UTRN: variants seen among roughly 807,000 people sequenced by gnomAD.
The protein encoded by UTRN is utrophin, also known as dystrophin-related protein 1.
A neutral mutation model predicts 463.9 loss-of-function variants in UTRN; 283 were observed. The ratio of observed to expected loss-of-function variants is 0.61; its 90% CI spans 0.55 to 0.67. The LOEUF (loss-of-function observed/expected upper bound fraction) is 0.67. UTRN is among the 30% of genes least tolerant of loss of function. The pLI is 0.00. For synonymous variants in UTRN, 1,442 were observed against 1,431.5 expected, an observed-to-expected ratio of 1.01 and a Z score of -0.17; for missense variants, 3,922 against 4,084.3, an observed-to-expected ratio of 0.96 and a Z score of 1.08.
At chr6:144,595,351 G>A (rs143058285) in intron 51 of UTRN, among the ~76,000 whole-genome samples, 26 of 152,304 alleles carry the variant, frequency 1.7e-4, no homozygotes, top group African/African-American at 4.6e-4. Context: ...ACCTACATTT[G>A]AGTTTCTCAC....
chr6:144,350,167 C>T (rs1049513907), intron 2 of UTRN, among the ~76,000 whole-genome samples: 3 of 151,524 alleles, frequency 2.0e-5, no homozygotes, highest in Non-Finnish European at 4.4e-5. Context: ...GGAAAAGGAG[C>T]ATTTAAATAC....
chr6:144,699,111 G>A (rs1297791016), intron 52 of UTRN, among the ~76,000 whole-genome samples: 1 of 152,120 alleles, frequency 6.6e-6, no homozygotes. Context: ...TTGGTTACAA[G>A]AGAAAGTAAC....
chr6:144,807,492 C>T (rs528792320), intron 65 of UTRN, among the ~76,000 whole-genome samples: 1 of 151,918 alleles, frequency 6.6e-6, no homozygotes, highest in African/African-American at 2.4e-5. Flanking sequence ...TTCTATAATC[C>T]AAATTTGTAC....
chr6:144,664,606 G>A (rs1490354532), intron 51 of UTRN, among the ~76,000 whole-genome samples: 2 of 151,238 alleles, frequency 1.3e-5, no homozygotes, highest in Non-Finnish European at 2.9e-5. Flanking sequence ...AACATTATTA[G>A]CATCGATTTC....
intron 38 of UTRN, 145 bp from the exon 39 acceptor site, chr6:144,516,666 A>C: frequency 1.5e-6 from 1 of 680,510 alleles, no homozygotes; most frequent in Non-Finnish European, 2.1e-6. Context: ...TATTTAAAAA[A>C]AACATAAATT....
intron 10 of UTRN, among the ~76,000 whole-genome samples, chr6:144,437,194 T>C (rs951344149): frequency 1.3e-5 from 2 of 152,078 alleles, no homozygotes; most frequent in African/African-American, 4.8e-5. Context: ...GCCTAGGTGA[T>C]CCACCTGCCT....
intron 69 of UTRN, among the ~76,000 whole-genome samples, chr6:144,831,580 T>C (rs1227309450): frequency 6.6e-6 from 1 of 152,232 alleles, no homozygotes; most frequent in African/African-American, 2.4e-5. Flanking sequence ...CCCATATATC[T>C]ATTACAATTA....
chr6:144,825,863 A>G (rs1780129269), intron 66 of UTRN, among the ~76,000 whole-genome samples: 1 of 152,052 alleles, frequency 6.6e-6, no homozygotes, highest in African/African-American at 2.4e-5. Flanking sequence ...TTGTTATTGT[A>G]TCTATTTTAC....
At chr6:144,840,905 C>T (rs1781518806) in intron 73 of UTRN, 73 bp downstream of exon 73, 6 of 1,506,804 alleles carry the variant, frequency 4.0e-6, no homozygotes, top group African/African-American at 1.4e-5. Flanking sequence ...TGCGGCCCTT[C>T]GCCTTCTTCC....
chr6:144,462,510 T>C lies in UTRN; in HGVS notation c.2854-144T>C, dbSNP rs1789524015. On this transcript the variant is annotated intron_variant, in intron 22 of 74. Transcript: ENST00000367545. ...TGTCTTCCACAGTGGTTGAACTAAT[T>C]CACACTCCCACCCACTGTTCTTTTT... is the stretch of plus-strand genomic sequence containing the variant. The C allele has an allele frequency of 6.9e-6, 5 of 726,898 alleles. No individual in the cohort carries two copies. In the South Asian group the frequency reaches 7.8e-5, roughly 11 times the overall value. 45.0% of individuals were successfully genotyped at this position (726,898 alleles called of 1,614,324 possible).
chr6:144,411,786 T>A (rs942106856), intron 3 of UTRN, among the ~76,000 whole-genome samples: 2 of 152,166 alleles, frequency 1.3e-5, no homozygotes, highest in African/African-American at 4.8e-5. Flanking sequence ...TCTCTTGTCT[T>A]TCTCTCTTCC....
chr6:144,608,160 C>G (rs1404294367), intron 51 of UTRN, among the ~76,000 whole-genome samples: 4 of 152,146 alleles, frequency 2.6e-5, no homozygotes, highest in Admixed American at 2.6e-4. Flanking sequence ...GCGGATTATC[C>G]TCCATAATGT....
rs919553849 is a variant in UTRN, at chr6:144,758,093, T to C, written c.8495+104T>C. On this transcript the variant is annotated intron_variant, in intron 58 of 74. Transcript: ENST00000367545. Reference sequence around the variant, plus strand: ...AACTTTTAAAAATAGAATTCAGTCCTATTATCTGAAAGAAACTGTGATATA... The same window carrying C: ...AACTTTTAAAAATAGAATTCAGTCCCATTATCTGAAAGAAACTGTGATATA... 8.6e-6 allele frequency: 8 copies of C among 934,278 alleles called. No individual in the cohort carries two copies. The Admixed American group carries it at 2.1e-4, about 25-fold the overall frequency. The allele number at this position is 934,278 out of a possible 1,614,324, so 57.9% of individuals were successfully genotyped here.
At chr6:144,327,170 A>G (rs1776025830) in intron 2 of UTRN, among the ~76,000 whole-genome samples, 1 of 152,146 alleles carries the variant, frequency 6.6e-6, no homozygotes, top group Non-Finnish European at 1.5e-5. Flanking sequence ...TTTTAGAGAC[A>G]GAAAACAGGG....
intron 2 of UTRN, among the ~76,000 whole-genome samples, chr6:144,346,458 T>G (rs78528941): frequency 0.064 from 9,758 of 152,288 alleles, 1,036 homozygotes; most frequent in African/African-American, 0.22. Flanking sequence ...CTGATTTTTT[T>G]GTGTGTGTCC....
intron 51 of UTRN, among the ~76,000 whole-genome samples, chr6:144,616,067 A>G (rs1253252737): frequency 6.6e-6 from 1 of 152,100 alleles, no homozygotes; most frequent in Non-Finnish European, 1.5e-5. Flanking sequence ...ATTATCTTGA[A>G]ACAGTTTTCA....
intron 2 of UTRN, among the ~76,000 whole-genome samples, chr6:144,351,925 A>T (rs1408688988): frequency 6.6e-6 from 1 of 152,168 alleles, no homozygotes; most frequent in Non-Finnish European, 1.5e-5. Context: ...AACTCCTATC[A>T]CACCGACACT....
rs1303243483 is a variant in UTRN at position 144,346,914 on chromosome 6, T to TATC, written c.79+55008_79+55010dup. Among the ~76,000 whole-genome samples the TATC allele has an allele frequency of 7.5e-4, 112 of 149,860 alleles. 2 individuals are homozygous for TATC. The highest frequency in any genetic ancestry group is 3.5e-3 in the South Asian group (17 of 4,814). ...TCTATCTATCTATCTATCATCTATC[T>TATC]ATCTATCGATCTCTATCTTTATCCA... On this transcript the variant is annotated intron_variant, in intron 2 of 74. Coordinates refer to ENST00000367545, the MANE Select transcript of UTRN (RefSeq NM_007124.3).
chr6:144,354,374 A>C (rs1013444133), intron 2 of UTRN, among the ~76,000 whole-genome samples: 2 of 152,154 alleles, frequency 1.3e-5, no homozygotes, highest in African/African-American at 4.8e-5. Flanking sequence ...GCAAGTGAAA[A>C]AGTTCTTCCA....
Sources: gnomAD v4.1 joint callset for allele counts (sites outside exome capture counted in the v4.1 genomes callset) on GRCh38, gnomAD v4.1.1 for gene constraint, MANE v1.5 for transcripts, NCBI Gene and HGNC (gene_info 2026-07-23, HGNC 2026-07-21) for gene names.